Variants in EEFSEC observed in about 807,000 individuals in gnomAD.
EEFSEC encodes eukaryotic elongation factor, selenocysteine-tRNA specific, also known as selenocysteine-specific elongation factor.
In EEFSEC, 43 loss-of-function variants were observed where a neutral mutation model predicts 42.1. The observed-to-expected ratio is 1.02, with a 90% CI of 0.80 to 1.32. EEFSEC has a LOEUF of 1.32. Ranked by LOEUF, EEFSEC falls within the 40% of genes most tolerant of loss-of-function variation. The pLI is 0.00. For synonymous variants in EEFSEC, 354 were observed against 339.1 expected (o/e 1.04, Z -0.48); for missense variants, 745 against 803.6 (o/e 0.93, Z 0.88).
chr3:128,202,292 CT>C (rs2065651597), intron 1 of EEFSEC, among the ~76,000 whole-genome samples: 1 of 152,176 alleles, frequency 6.6e-6, no homozygotes, highest in Admixed American at 6.5e-5. Flanking sequence ...GGAAAACTGA[CT>C]CTTAACAATA....
intron 6 of EEFSEC, among the ~76,000 whole-genome samples, chr3:128,380,703 TTGAC>T (rs1186096955): frequency 2.6e-5 from 4 of 152,260 alleles, no homozygotes; most frequent in Admixed American, 2.0e-4. Flanking sequence ...TTGACTCCAT[TTGAC>T]TGCTATATGT....
chr3:128,388,261 C>T (rs1163007419), intron 6 of EEFSEC, among the ~76,000 whole-genome samples: 1 of 152,200 alleles, frequency 6.6e-6, no homozygotes, highest in Non-Finnish European at 1.5e-5. Flanking sequence ...CAGCCTCTTG[C>T]CCCCGCCTCC....
At chr3:128,314,814 G>C (rs913159168) in intron 4 of EEFSEC, among the ~76,000 whole-genome samples, 2 of 152,168 alleles carry the variant, frequency 1.3e-5, no homozygotes, top group African/African-American at 4.8e-5. Context: ...TCCCAGAGGT[G>C]GGGGAGTCAC....
Position 128,341,430 on chromosome 3 carries a change from C to T in EEFSEC, c.984C>T (p.Pro328=). 1 of 1,614,170 alleles carries T rather than the reference C, an allele frequency of 6.2e-7. No individual in the cohort carries two copies. The highest frequency in any genetic ancestry group is 2.2e-5 in the East Asian group (1 of 44,876). Residue 328 remains proline (P), a synonymous_variant, in exon 5 of 7, where the codon CCC becomes CCT. Transcript: ENST00000254730. ...AAAAGATACCGTATTTCCGGGGGCC[C>T]CTGCAAACCAAGGCCAAGTTCCACA... The part of the protein sequence containing the change: ...SVEKIPYFRG[P]LQTKAKFHIT...
chr3:128,391,294 G>T (rs1413181253), intron 6 of EEFSEC, among the ~76,000 whole-genome samples: 1 of 152,226 alleles, frequency 6.6e-6, no homozygotes, highest in Non-Finnish European at 1.5e-5. Context: ...AAACGAAATG[G>T]TCTCCCGCCC....
At chr3:128,381,401 T>C (rs573476172) in intron 6 of EEFSEC, among the ~76,000 whole-genome samples, 1 of 152,196 alleles carries the variant, frequency 6.6e-6, no homozygotes, top group Non-Finnish European at 1.5e-5. Flanking sequence ...AAATAAATGA[T>C]CAGGTCAAAG....
At chr3:128,154,448 CTT>C (rs763398966) in intron 1 of EEFSEC, among the ~76,000 whole-genome samples, 1 of 145,528 alleles carries the variant, frequency 6.9e-6, no homozygotes. Flanking sequence ...TTTTCTTTTT[CTT>C]TTTTTTTTTT....
chr3:128,289,004 A>G (rs1326395226), intron 4 of EEFSEC, among the ~76,000 whole-genome samples: 2 of 152,206 alleles, frequency 1.3e-5, no homozygotes, highest in East Asian at 3.8e-4. Context: ...AAGTTAGAGT[A>G]TCGCTATCTC....
chr3:128,401,175 C>T (rs2068044390), intron 6 of EEFSEC, among the ~76,000 whole-genome samples: 1 of 152,192 alleles, frequency 6.6e-6, no homozygotes, highest in South Asian at 2.1e-4. Context: ...GCCAGGTCAG[C>T]CTGAGACCCG....
chr3:128,395,513 C>T (rs1356896629), intron 6 of EEFSEC, among the ~76,000 whole-genome samples: 1 of 152,220 alleles, frequency 6.6e-6, no homozygotes, highest in Non-Finnish European at 1.5e-5. Context: ...GGGTGGTTTG[C>T]ATCCAAGTCT....
intron 4 of EEFSEC, among the ~76,000 whole-genome samples, chr3:128,267,821 T>TA (rs1026275673): frequency 6.6e-6 from 1 of 152,218 alleles, no homozygotes; most frequent in Non-Finnish European, 1.5e-5. Context: ...ATAGCAAAGT[T>TA]ATGCGGAGAG....
intron 4 of EEFSEC, among the ~76,000 whole-genome samples, chr3:128,322,940 T>C (rs2067024000): frequency 1.3e-5 from 2 of 152,364 alleles, no homozygotes; most frequent in East Asian, 3.9e-4. Flanking sequence ...TGGTGGGGGC[T>C]GCTTTTCTAC....
At chr3:128,399,267 A>G (rs939214182) in intron 6 of EEFSEC, among the ~76,000 whole-genome samples, 5 of 152,188 alleles carry the variant, frequency 3.3e-5, no homozygotes, top group Non-Finnish European at 2.9e-5. Flanking sequence ...CATTGCTGCT[A>G]AGAAGCTTAA....
chr3:128,222,029 T>TGC (rs548251999), intron 1 of EEFSEC, among the ~76,000 whole-genome samples: 1 of 121,050 alleles, frequency 8.3e-6, no homozygotes, highest in African/African-American at 3.5e-5. Flanking sequence ...TTCAAAGTTT[T>TGC]TTTTTTTTTT....
chr3:128,219,244 C>G (rs2065840157), intron 1 of EEFSEC, among the ~76,000 whole-genome samples: 1 of 152,236 alleles, frequency 6.6e-6, no homozygotes, highest in African/African-American at 2.4e-5. Context: ...CTCCCTGTTG[C>G]CATTCTGTCC....
At chr3:128,291,924 T>C (rs1474795762) in intron 4 of EEFSEC, among the ~76,000 whole-genome samples, 1 of 152,226 alleles carries the variant, frequency 6.6e-6, no homozygotes, top group Non-Finnish European at 1.5e-5. Context: ...GGATTTTTTG[T>C]GCATATCGTT....
intron 4 of EEFSEC, among the ~76,000 whole-genome samples, chr3:128,310,796 C>T (rs2066881862): frequency 6.6e-6 from 1 of 152,232 alleles, no homozygotes; most frequent in Non-Finnish European, 1.5e-5. Flanking sequence ...TGCAGTAGTG[C>T]TCAGGCTCTG....
chr3:128,196,067 A>G (rs116200697), intron 1 of EEFSEC, among the ~76,000 whole-genome samples: 6,663 of 152,292 alleles, frequency 0.044, 484 homozygotes, highest in African/African-American at 0.15. Flanking sequence ...AGCCAGGAGG[A>G]AGGCCTGAGA....
At chr3:128,195,274 C>T (rs1306845928) in intron 1 of EEFSEC, among the ~76,000 whole-genome samples, 1 of 152,068 alleles carries the variant, frequency 6.6e-6, no homozygotes, top group Non-Finnish European at 1.5e-5. Context: ...ATATTTTTTC[C>T]TTCTTTCAGA....
Sources: allele counts gnomAD v4.1 joint callset (sites outside exome capture counted in the v4.1 genomes callset), GRCh38; gene constraint gnomAD v4.1.1; transcripts MANE v1.5; gene names NCBI Gene and HGNC (gene_info 2026-07-23, HGNC 2026-07-21).